MAGI1: variants seen among roughly 807,000 people sequenced by gnomAD.
MAGI1 encodes membrane-associated guanylate kinase, WW and PDZ domain-containing protein 1.
A neutral mutation model predicts 139.9 loss-of-function variants in MAGI1; 58 were observed. The ratio of observed to expected loss-of-function variants is 0.41; its 90% confidence interval spans 0.34 to 0.52. The LOEUF is 0.52. MAGI1 is among the 20% of genes least tolerant of loss of function. The probability of loss-of-function intolerance (pLI) is 0.12; values close to 1 mark genes in which losing one functional copy is unlikely to be tolerated. For missense variants in MAGI1, 1,874 were observed against 1,901.6 expected (o/e 0.99, Z 0.27); for synonymous variants, 812 against 737.9 (o/e 1.10, Z -1.63).
chr3:65,845,373 C>T (rs1278092985), intron 1 of MAGI1, among the ~76,000 whole-genome samples: 2 of 152,058 alleles, frequency 1.3e-5, no homozygotes, highest in Non-Finnish European at 2.9e-5. Context: ...GCTATCTGAC[C>T]ATCACTTACT....
intron 1 of MAGI1, among the ~76,000 whole-genome samples, chr3:65,791,870 C>T (rs535827505): frequency 6.6e-6 from 1 of 152,148 alleles, no homozygotes; most frequent in Admixed American, 6.5e-5. Context: ...GCTGGGACCA[C>T]AGGCAATGCA....
chr3:65,446,616 T>C (rs1948693168), intron 7 of MAGI1, among the ~76,000 whole-genome samples: 1 of 152,184 alleles, frequency 6.6e-6, no homozygotes, highest in African/African-American at 2.4e-5. Context: ...ACCTATTACT[T>C]AGGTAGCAAG....
chr3:65,644,317 A>G (rs1045326939), intron 1 of MAGI1, among the ~76,000 whole-genome samples: 1 of 152,058 alleles, frequency 6.6e-6, no homozygotes, highest in African/African-American at 2.4e-5. Flanking sequence ...AAAATGTTAC[A>G]ATTATCTGAC....
intron 13 of MAGI1, among the ~76,000 whole-genome samples, chr3:65,393,723 G>T (rs1384896335): frequency 6.6e-6 from 1 of 152,118 alleles, no homozygotes; most frequent in East Asian, 1.9e-4. Context: ...TCCAGGGTCG[G>T]CCTATAAGCA....
intron 2 of MAGI1, among the ~76,000 whole-genome samples, chr3:65,598,314 A>G (rs1312072162): frequency 6.6e-6 from 1 of 152,106 alleles, no homozygotes; most frequent in East Asian, 1.9e-4. Context: ...CTGGACATGG[A>G]AAGGCGGGAA....
At chr3:65,416,669 C>T (rs1324841123) in intron 12 of MAGI1, among the ~76,000 whole-genome samples, 2 of 152,138 alleles carry the variant, frequency 1.3e-5, no homozygotes, top group Non-Finnish European at 1.5e-5. Flanking sequence ...CAAAAAGGAA[C>T]ACTATTAACA....
chr3:65,534,215 C>T (rs1215231728), intron 2 of MAGI1, among the ~76,000 whole-genome samples: 1 of 152,186 alleles, frequency 6.6e-6, no homozygotes, highest in East Asian at 1.9e-4. Flanking sequence ...AAGTGCAGGG[C>T]TCATGCCTGT....
At chr3:65,757,703 G>C (rs1267405242) in intron 1 of MAGI1, among the ~76,000 whole-genome samples, 2 of 152,174 alleles carry the variant, frequency 1.3e-5, no homozygotes, top group African/African-American at 4.8e-5. Context: ...CTTCTCAGAA[G>C]TGTTTCAGTT....
chr3:65,953,886 G>A (rs2106987474), intron 1 of MAGI1, among the ~76,000 whole-genome samples: 1 of 152,310 alleles, frequency 6.6e-6, no homozygotes, highest in Middle Eastern at 3.4e-3. Context: ...CTTTAGGACA[G>A]ATAGACTCAA....
At chr3:65,527,425 T>A (rs1006429655) in intron 2 of MAGI1, among the ~76,000 whole-genome samples, 1 of 151,638 alleles carries the variant, frequency 6.6e-6, no homozygotes, top group South Asian at 2.1e-4. Flanking sequence ...ACTGAAAATA[T>A]AAAACTTAGC....
At position 65,510,008 on chromosome 3, in the gene MAGI1, G is replaced by A. The variant is rs577332389; in HGVS notation, c.431-16377C>T. Reference sequence around the variant, plus strand: ...TGGGTCCCTGACCCCTGACCCCCGAGCACCCTAACTGGGAGGCAGCCCCCA... The same window carrying A: ...TGGGTCCCTGACCCCTGACCCCCGAACACCCTAACTGGGAGGCAGCCCCCA... On this transcript the variant is annotated intron_variant, in intron 2 of 22. Coordinates refer to ENST00000402939, the MANE Select transcript of MAGI1 (RefSeq NM_001033057.2). Among the ~76,000 whole-genome samples, 12 of 152,262 alleles carry A rather than the reference G, an allele frequency of 7.9e-5. No individual in the cohort carries two copies. The South Asian group carries it at 2.1e-3, about 26-fold the overall frequency.
chr3:65,550,851 G>C (rs1159459194), intron 2 of MAGI1, among the ~76,000 whole-genome samples: 1 of 151,970 alleles, frequency 6.6e-6, no homozygotes, highest in Non-Finnish European at 1.5e-5. Flanking sequence ...TGCACCTGTA[G>C]TCCCAGCTAC....
chr3:65,771,079 G>T (rs1488057650), intron 1 of MAGI1, among the ~76,000 whole-genome samples: 1 of 151,840 alleles, frequency 6.6e-6, no homozygotes, highest in African/African-American at 2.4e-5. Context: ...GGCCAAGGCG[G>T]GCAGATCACC....
chr3:65,604,978 C>A (rs1416285555), intron 2 of MAGI1, among the ~76,000 whole-genome samples: 1 of 152,124 alleles, frequency 6.6e-6, no homozygotes, highest in Non-Finnish European at 1.5e-5. Context: ...CAAGAAAACA[C>A]AAAAGCAGCA....
intron 1 of MAGI1, among the ~76,000 whole-genome samples, chr3:65,838,796 G>T (rs1174721397): frequency 6.6e-6 from 1 of 152,132 alleles, no homozygotes; most frequent in African/African-American, 2.4e-5. Context: ...ATTAAGAAAT[G>T]GACATATCAT....
chr3:65,983,646 C>G (rs1375819121), intron 1 of MAGI1, among the ~76,000 whole-genome samples: 1 of 151,924 alleles, frequency 6.6e-6, no homozygotes, highest in East Asian at 1.9e-4. Context: ...ATTTCCCCAC[C>G]CCTCCTTATC....
chr3:65,588,777 T>C (rs544855507), intron 2 of MAGI1, among the ~76,000 whole-genome samples: 1 of 152,318 alleles, frequency 6.6e-6, no homozygotes, highest in Non-Finnish European at 1.5e-5. Context: ...TGCAGAGTGC[T>C]TGGCATATAC....
intron 1 of MAGI1, among the ~76,000 whole-genome samples, chr3:65,766,614 G>A (rs1044254620): frequency 6.6e-6 from 1 of 152,142 alleles, no homozygotes; most frequent in Non-Finnish European, 1.5e-5. Context: ...AAGAGGCTGG[G>A]TGCGGTGGCT....
intron 1 of MAGI1, among the ~76,000 whole-genome samples, chr3:65,845,373 C>G (rs1278092985): frequency 6.6e-6 from 1 of 152,060 alleles, no homozygotes; most frequent in Non-Finnish European, 1.5e-5. Context: ...GCTATCTGAC[C>G]ATCACTTACT....
Sources: allele counts gnomAD v4.1 joint callset (sites outside exome capture counted in the v4.1 genomes callset), GRCh38; gene constraint gnomAD v4.1.1; transcripts MANE v1.5; gene names NCBI Gene and HGNC (gene_info 2026-07-23, HGNC 2026-07-21).